The following SEPTIN10 variants were observed in gnomAD, a reference collection of about 807,000 sequenced individuals.
SEPTIN10 encodes septin-10.
SEPTIN10 carries 66 observed loss-of-function variants against 54.8 expected under a neutral mutation model. The ratio of observed to expected loss-of-function variants is 1.21; its 90% CI spans 0.99 to 1.48. SEPTIN10 has a LOEUF of 1.48. Ranked by LOEUF, SEPTIN10 falls within the 40% of genes most tolerant of loss-of-function variation. The pLI, the probability that SEPTIN10 is intolerant of heterozygous loss-of-function variation, is 0.00. For missense variants in SEPTIN10, 620 were observed against 545.6 expected (o/e 1.14, Z -1.36); for synonymous variants, 161 against 181.0 (o/e 0.89, Z 0.89).
intron 9 of SEPTIN10, among the ~76,000 whole-genome samples, chr2:109,551,637 T>C (rs1041590284): frequency 1.3e-5 from 2 of 152,224 alleles, no homozygotes; most frequent in Admixed American, 6.5e-5. Flanking sequence ...ACTTTTCTGT[T>C]GTTTGAACTT....
At chr2:109,589,002 A>T (rs1301478142) in intron 2 of SEPTIN10, among the ~76,000 whole-genome samples, 1 of 151,754 alleles carries the variant, frequency 6.6e-6, no homozygotes, top group Non-Finnish European at 1.5e-5. Context: ...GTTATCAAGA[A>T]AATGTAAAAT....
intron 9 of SEPTIN10, among the ~76,000 whole-genome samples, chr2:109,551,547 A>G (rs949532372): frequency 6.6e-6 from 1 of 152,242 alleles, no homozygotes; most frequent in Admixed American, 6.5e-5. Flanking sequence ...GGAAATCTGA[A>G]TAAGGACTGA....
intron 2 of SEPTIN10, among the ~76,000 whole-genome samples, chr2:109,591,592 T>G (rs1232671269): frequency 3.9e-5 from 6 of 152,098 alleles, no homozygotes; most frequent in Non-Finnish European, 8.8e-5. Flanking sequence ...CTAAAGGAAA[T>G]TATTTAATCT....
intron 8 of SEPTIN10, among the ~76,000 whole-genome samples, chr2:109,563,334 G>C (rs1686145788): frequency 6.6e-6 from 1 of 152,176 alleles, no homozygotes; most frequent in African/African-American, 2.4e-5. Flanking sequence ...AAGCTTATAT[G>C]CAACAGCGGC....
chr2:109,585,036 A>G (rs1208521629), intron 4 of SEPTIN10, 90 bp downstream of exon 4: 1 of 636,418 alleles, frequency 1.6e-6, no homozygotes, highest in Non-Finnish European at 2.6e-6. Context: ...GGATTACCAT[A>G]GGAGAAAATC....
chr2:109,575,205 G>T (rs1193502393), intron 4 of SEPTIN10, among the ~76,000 whole-genome samples: 1 of 152,108 alleles, frequency 6.6e-6, no homozygotes, highest in South Asian at 2.1e-4. Context: ...TCCCACACTT[G>T]CCAGACTGCT....
intron 1 of SEPTIN10, among the ~76,000 whole-genome samples, chr2:109,603,386 C>A (rs374274561): frequency 6.6e-6 from 1 of 152,000 alleles, no homozygotes; most frequent in Admixed American, 6.6e-5. Context: ...AGGCACACAC[C>A]GCCACGCCTG....
chr2:109,568,571 G>A (rs536424903), intron 5 of SEPTIN10, among the ~76,000 whole-genome samples: 2 of 151,974 alleles, frequency 1.3e-5, no homozygotes, highest in Non-Finnish European at 2.9e-5. Context: ...TCTTTCATTT[G>A]AATTTAGGTT....
chr2:109,571,999 A>G (rs1688502250), intron 5 of SEPTIN10, among the ~76,000 whole-genome samples: 1 of 152,242 alleles, frequency 6.6e-6, no homozygotes, highest in South Asian at 2.1e-4. Context: ...TTAATTTTTA[A>G]ATAAGTTTTA....
At chr2:109,572,057 C>T (rs1688513924) in intron 5 of SEPTIN10, among the ~76,000 whole-genome samples, 1 of 152,214 alleles carries the variant, frequency 6.6e-6, no homozygotes, top group African/African-American at 2.4e-5. Flanking sequence ...AGGCATTGTA[C>T]TAAATGCTTC....
chr2:109,563,797 A>C (rs1219652426), intron 8 of SEPTIN10, among the ~76,000 whole-genome samples: 2 of 152,180 alleles, frequency 1.3e-5, no homozygotes, highest in Non-Finnish European at 2.9e-5. Context: ...ACAGAAGAAA[A>C]ACCAACAGAA....
chr2:109,574,884 T>G, intron 4 of SEPTIN10, 117 bp from the exon 5 acceptor site: 1 of 586,640 alleles, frequency 1.7e-6, no homozygotes, highest in Non-Finnish European at 2.6e-6. Context: ...TTAATATCTA[T>G]GCTGAACAGA....
At chr2:109,586,053 C>T (rs953128520) in intron 2 of SEPTIN10, among the ~76,000 whole-genome samples, 6 of 152,124 alleles carry the variant, frequency 3.9e-5, no homozygotes, top group Non-Finnish European at 8.8e-5. Flanking sequence ...CTTCATACAA[C>T]GAGAGTCTAG....
intron 1 of SEPTIN10, among the ~76,000 whole-genome samples, chr2:109,605,885 C>T (rs994503888): frequency 9.9e-5 from 15 of 152,166 alleles, no homozygotes; most frequent in African/African-American, 3.6e-4. Flanking sequence ...GAAGAGTTAG[C>T]ATGACATCAG....
chr2:109,595,947 C>G (rs534777322), intron 1 of SEPTIN10, among the ~76,000 whole-genome samples: 1 of 152,350 alleles, frequency 6.6e-6, no homozygotes, highest in Non-Finnish European at 1.5e-5. Context: ...CTCTCAGCAT[C>G]TGTGTCTACT....
intron 1 of SEPTIN10, among the ~76,000 whole-genome samples, chr2:109,596,542 A>C (rs1695354767): frequency 6.6e-6 from 1 of 151,960 alleles, no homozygotes; most frequent in Admixed American, 6.6e-5. Context: ...GCGTGAACCC[A>C]GGAGGCAGAG....
At chr2:109,593,257 T>A in intron 1 of SEPTIN10, 138 bp from the exon 2 acceptor site, 1 of 489,366 alleles carries the variant, frequency 2.0e-6, no homozygotes, top group Non-Finnish European at 3.6e-6. Flanking sequence ...GTCTACATTA[T>A]TGAATCGTGT....
intron 4 of SEPTIN10, among the ~76,000 whole-genome samples, chr2:109,584,719 G>T (rs944371918): frequency 9.2e-5 from 14 of 151,994 alleles, no homozygotes; most frequent in Admixed American, 1.3e-4. Context: ...TGGCTAATTT[G>T]ATTATAATTT....
chr2:109,565,974 T>C (rs2105214643), intron 6 of SEPTIN10, 115 bp from the exon 7 acceptor site: 1 of 910,970 alleles, frequency 1.1e-6, no homozygotes, highest in Non-Finnish European at 1.8e-6. Flanking sequence ...TAAAATCGAA[T>C]GGTCAGCTAT....
Sources: allele counts gnomAD v4.1 joint callset (sites outside exome capture counted in the v4.1 genomes callset), GRCh38; gene constraint gnomAD v4.1.1; transcripts MANE v1.5; gene names NCBI Gene and HGNC (gene_info 2026-07-23, HGNC 2026-07-21).